The following LRRIQ1 variants were observed in gnomAD, a reference collection of about 807,000 sequenced individuals.
LRRIQ1 encodes the protein leucine-rich repeat- and IQ domain-containing protein 1.
In LRRIQ1, 210 loss-of-function variants were observed where a neutral mutation model predicts 211.9. The observed-to-expected ratio is 0.99, with a 90% CI of 0.89 to 1.11. The LOEUF (loss-of-function observed/expected upper bound fraction) is 1.11. Ranked by LOEUF, LRRIQ1 falls within the 50% of genes most tolerant of loss-of-function variation. LRRIQ1 has a pLI of 0.00. For missense variants in LRRIQ1, 2,136 were observed against 1,939.5 expected (o/e 1.10, Z -1.90); for synonymous variants, 699 against 650.1 (o/e 1.08, Z -1.14).
rs1345733366 is a variant in LRRIQ1 at position 85,055,621 on chromosome 12, A to G, written c.828A>G (p.Lys276=). The change falls in exon 8 of 27, where the codon AAA becomes AAG. Residue 276 remains lysine (K), a synonymous_variant. Transcript: ENST00000393217. ...TTAAAGACCAACAAGAAAAAGAAAA[A>G]AATTCTTTGTTAAAACAGCAGAATA... ...TRFKDQQEKE[K]NSLLKQQNNA... is the part of the protein sequence containing the mutation. 6.4e-7 allele frequency: 1 copy of G among 1,573,824 alleles called. No homozygotes were observed. The highest frequency in any genetic ancestry group is 1.4e-5 in the African/African-American group (1 of 72,296).
At chr12:85,169,279 G>A (rs1565881672) in intron 24 of LRRIQ1, among the ~76,000 whole-genome samples, 1 of 152,096 alleles carries the variant, frequency 6.6e-6, no homozygotes, top group Non-Finnish European at 1.5e-5. Context: ...GTCTTGACTA[G>A]TAGGGAGAGA....
At chr12:85,209,465 T>G (rs903668468) in intron 24 of LRRIQ1, among the ~76,000 whole-genome samples, 1 of 152,230 alleles carries the variant, frequency 6.6e-6, no homozygotes, top group African/African-American at 2.4e-5. Flanking sequence ...ATGTGGGGAT[T>G]ATGGGAACTA....
intron 24 of LRRIQ1, among the ~76,000 whole-genome samples, chr12:85,171,808 A>G (rs1891432630): frequency 6.6e-6 from 1 of 152,204 alleles, no homozygotes; most frequent in Non-Finnish European, 1.5e-5. Context: ...GAAGGTGGCC[A>G]TCTGCAAGCC....
intron 24 of LRRIQ1, among the ~76,000 whole-genome samples, chr12:85,172,943 C>G (rs1891489755): frequency 6.6e-6 from 1 of 151,542 alleles, no homozygotes; most frequent in South Asian, 2.1e-4. Flanking sequence ...CCCATCTCTA[C>G]TAAAAATTAA....
In LRRIQ1 at chr12:85,147,272, C is replaced by G. The variant is rs76937186; in HGVS notation, c.4330-5008C>G. On this transcript the variant is annotated intron_variant, in intron 19 of 26. Coordinates refer to ENST00000393217, the MANE Select transcript of LRRIQ1 (RefSeq NM_001079910.2). ...TCCAACAGGAAGGGGCAAAAATCCA[C>G]GAGATGAGAGACATCCTTCACTATA... Among the ~76,000 whole-genome samples the G allele has an allele frequency of 3.6e-3, 543 of 151,828 alleles. 3 individuals carry two copies. Among genetic ancestry groups the G allele is most frequent in the African/African-American group, 0.012 (504 of 41,454 alleles).
At chr12:85,097,031 C>A (rs1242896812) in intron 11 of LRRIQ1, among the ~76,000 whole-genome samples, 1 of 152,098 alleles carries the variant, frequency 6.6e-6, no homozygotes, top group Admixed American at 6.6e-5. Context: ...GAACCCTTTA[C>A]TTTGAGCCTA....
At chr12:85,164,903 T>C (rs769845359) in intron 24 of LRRIQ1, among the ~76,000 whole-genome samples, 1 of 152,138 alleles carries the variant, frequency 6.6e-6, no homozygotes, top group Non-Finnish European at 1.5e-5. Flanking sequence ...AAAGACTAAT[T>C]ATTAAAATAA....
chr12:85,238,864 A>G (rs1347402123), intron 26 of LRRIQ1, among the ~76,000 whole-genome samples: 1 of 152,134 alleles, frequency 6.6e-6, no homozygotes, highest in Non-Finnish European at 1.5e-5. Flanking sequence ...TCTTGTACAT[A>G]AAAGTCTTAA....
chr12:85,235,984 A>G (rs1230445058), intron 26 of LRRIQ1, among the ~76,000 whole-genome samples: 3 of 152,170 alleles, frequency 2.0e-5, no homozygotes, highest in Non-Finnish European at 4.4e-5. Context: ...GAATAGACCA[A>G]TAGAAATGAA....
At chr12:85,179,175 T>C (rs1269806647) in intron 24 of LRRIQ1, among the ~76,000 whole-genome samples, 1 of 151,974 alleles carries the variant, frequency 6.6e-6, no homozygotes, top group Non-Finnish European at 1.5e-5. Context: ...ATTTCCTGTG[T>C]CTGTTAATAG....
chr12:85,268,319 T>C (rs1221933802), downstream of LRRIQ1, among the ~76,000 whole-genome samples: 1 of 151,932 alleles, frequency 6.6e-6, no homozygotes, highest in Admixed American at 6.6e-5. Flanking sequence ...AATAGCATGT[T>C]AACTTATTTT....
chr12:85,181,376 A>C (rs1047771815), intron 24 of LRRIQ1, among the ~76,000 whole-genome samples: 4 of 151,900 alleles, frequency 2.6e-5, no homozygotes, highest in Admixed American at 6.6e-5. Flanking sequence ...TTGTGAGTCT[A>C]GGATCTAATT....
chr12:85,186,707 G>T (rs1892244860), intron 24 of LRRIQ1, among the ~76,000 whole-genome samples: 1 of 151,940 alleles, frequency 6.6e-6, no homozygotes, highest in Admixed American at 6.6e-5. Flanking sequence ...TAGAATAAAT[G>T]CTCATTTACT....
At chr12:85,051,886 C>T (rs1880368390) in intron 6 of LRRIQ1, among the ~76,000 whole-genome samples, 1 of 152,044 alleles carries the variant, frequency 6.6e-6, no homozygotes, top group Admixed American at 6.6e-5. Context: ...TTTACAATGC[C>T]TAACAGTGTT....
intron 24 of LRRIQ1, among the ~76,000 whole-genome samples, chr12:85,179,839 T>C (rs1891891439): frequency 1.3e-5 from 2 of 151,910 alleles, no homozygotes; most frequent in African/African-American, 4.8e-5. Context: ...TGTAACATCG[T>C]CTGTGACTAT....
chr12:85,173,703 A>G (rs1407954076), intron 24 of LRRIQ1, among the ~76,000 whole-genome samples: 4 of 152,090 alleles, frequency 2.6e-5, no homozygotes, highest in Non-Finnish European at 5.9e-5. Flanking sequence ...TCTTCTTCTT[A>G]TAGGACCAGT....
chr12:85,200,584 T>C (rs1893238691), intron 24 of LRRIQ1, among the ~76,000 whole-genome samples: 2 of 152,176 alleles, frequency 1.3e-5, no homozygotes. Flanking sequence ...AGTATGATAT[T>C]GGCTGTGGGT....
chr12:85,111,686 T>G (rs1215119923), intron 15 of LRRIQ1, among the ~76,000 whole-genome samples: 1 of 152,164 alleles, frequency 6.6e-6, no homozygotes, highest in Non-Finnish European at 1.5e-5. Flanking sequence ...TGTTTAGTTC[T>G]GAATATATTT....
At chr12:85,194,898 A>G (rs1892812040) in intron 24 of LRRIQ1, among the ~76,000 whole-genome samples, 1 of 152,118 alleles carries the variant, frequency 6.6e-6, no homozygotes, top group East Asian at 1.9e-4. Context: ...GTTTTTTGAA[A>G]GGATCAACAA....
Sources: gnomAD v4.1 joint callset for allele counts (sites outside exome capture counted in the v4.1 genomes callset) on GRCh38, gnomAD v4.1.1 for gene constraint, MANE v1.5 for transcripts, NCBI Gene and HGNC (gene_info 2026-07-23, HGNC 2026-07-21) for gene names.